ENTPD6: variants seen among roughly 807,000 people sequenced by gnomAD.
ENTPD6 encodes the protein ectonucleoside triphosphate diphosphohydrolase 6.
In ENTPD6, 46 loss-of-function variants were observed where a neutral mutation model predicts 61.5. That is an observed-to-expected ratio of 0.75 (90% CI 0.59 to 0.96). ENTPD6 has a LOEUF of 0.96. ENTPD6 is among the 40% of genes least tolerant of loss of function. The probability of loss-of-function intolerance (pLI) is 0.00; values close to 1 mark genes in which losing one functional copy is unlikely to be tolerated. For synonymous variants in ENTPD6, 252 were observed against 255.5 expected, an observed-to-expected ratio of 0.99 and a Z score of 0.13; for missense variants, 612 against 629.0, an observed-to-expected ratio of 0.97 and a Z score of 0.29.
chr20:25,209,677 G>A (rs2091816569), intron 3 of ENTPD6, among the ~76,000 whole-genome samples, 172 bp from the exon 4 acceptor site: 1 of 152,072 alleles, frequency 6.6e-6, no homozygotes, highest in Admixed American at 6.6e-5. Context: ...TACTCATCTT[G>A]TTCTGATGAA....
chr20:25,218,642 C>A (rs1260187925), intron 10 of ENTPD6, 28 bp downstream of exon 10: 2 of 1,572,006 alleles, frequency 1.3e-6, no homozygotes, highest in Admixed American at 3.6e-5. Context: ...CCCGGGCCCA[C>A]TTTCACAGCC....
At chr20:25,220,060 A>T (rs2123235201) in intron 10 of ENTPD6, among the ~76,000 whole-genome samples, 1 of 152,280 alleles carries the variant, frequency 6.6e-6, no homozygotes, top group Non-Finnish European at 1.5e-5. Flanking sequence ...CACCCAGCAG[A>T]GCAGCAAGAA....
Position 25,213,163 on chromosome 20 carries a change from T to C in ENTPD6, c.454-100T>C. On this transcript the variant is annotated intron_variant, in intron 4 of 14. Transcript: ENST00000376652. ...TAGCCTGGGCAACACAGTGAGACTC[T>C]GTCTCCAGAAACCAAAAAAACCCAA... 4 of 1,386,566 alleles carry C rather than the reference T, an allele frequency of 2.9e-6. No homozygotes were observed. The South Asian group carries it at 4.7e-5, about 16-fold the overall frequency. 85.9% of individuals were successfully genotyped at this position (1,386,566 alleles called of 1,614,324 possible). A position where few individuals can be genotyped will look rare whatever the true frequency, so the allele number is the denominator to read the frequency against.
At chr20:25,215,390 T>C (rs912972281) in intron 6 of ENTPD6, among the ~76,000 whole-genome samples, 6 of 152,298 alleles carry the variant, frequency 3.9e-5, no homozygotes, top group East Asian at 1.9e-4. Flanking sequence ...CTGGGTTCTT[T>C]TTCTGCTTCT....
intron 2 of ENTPD6, 65 bp from the exon 3 acceptor site, chr20:25,207,011 G>A (rs572524565): frequency 8.2e-6 from 12 of 1,457,690 alleles, no homozygotes; most frequent in Admixed American, 4.1e-5. Context: ...GCCTGGGGAC[G>A]TCTGACTCTC....
chr20:25,209,758 T>C (rs1439632846), intron 3 of ENTPD6, 91 bp from the exon 4 acceptor site: 2 of 1,112,684 alleles, frequency 1.8e-6, no homozygotes, highest in African/African-American at 3.1e-5. Context: ...TGTGTTAGTG[T>C]CTGTCTTTAA....
At chr20:25,217,082 C>G (rs2092358505) in intron 8 of ENTPD6, among the ~76,000 whole-genome samples, 1 of 152,144 alleles carries the variant, frequency 6.6e-6, no homozygotes. Context: ...AAGATTTTGT[C>G]CAGTTCATAG....
At chr20:25,218,313 CCA>C (rs1288566947) in intron 9 of ENTPD6, among the ~76,000 whole-genome samples, 1 of 152,346 alleles carries the variant, frequency 6.6e-6, no homozygotes, top group African/African-American at 2.4e-5. Flanking sequence ...GTCCCACTCA[CCA>C]CAGTGTCTGC....
intron 3 of ENTPD6, among the ~76,000 whole-genome samples, chr20:25,209,196 G>C (rs191343295): frequency 6.6e-6 from 1 of 150,990 alleles, no homozygotes; most frequent in African/African-American, 2.4e-5. Flanking sequence ...TGCAAGCTCC[G>C]CCCCCCGGGT....
intron 1 of ENTPD6, among the ~76,000 whole-genome samples, chr20:25,199,764 G>C (rs1483204742): frequency 6.6e-6 from 1 of 152,188 alleles, no homozygotes; most frequent in African/African-American, 2.4e-5. Context: ...ATTTCACTTA[G>C]TGAAATGCCT....
intron 1 of ENTPD6, among the ~76,000 whole-genome samples, chr20:25,199,186 AG>A (rs2090812231): frequency 6.6e-6 from 1 of 152,174 alleles, no homozygotes; most frequent in African/African-American, 2.4e-5. Context: ...CCAGAGCCAG[AG>A]GGGCCTAGAA....
Position 25,207,089 on chromosome 20 carries a change from G to A in ENTPD6, c.68G>A (p.Gly23Asp). ...CCTTCCCACCAGCAGCCGCAGCACGGTCCTTGGCAAACAAGGATGAGAAAA... is the reference window on the plus strand; with the variant it reads ...CCTTCCCACCAGCAGCCGCAGCACGATCCTTGGCAAACAAGGATGAGAAAA... ...TSYIFQQPQH[G>D]PWQTRMRKIS... The change falls in exon 3 of 15, where the codon GGT becomes GAT. Residue 23 changes from glycine to aspartate, a missense_variant. Physicochemically the swap from Gly to Asp is moderately conservative, Grantham distance 94 (BLOSUM62 -1). Coordinates refer to ENST00000376652, the MANE Select transcript of ENTPD6 (RefSeq NM_001247.5). 1 of 1,610,080 alleles carries A rather than the reference G, an allele frequency of 6.2e-7. No individual in the cohort carries two copies. The highest frequency in any genetic ancestry group is 8.5e-7 in the Non-Finnish European group (1 of 1,176,932).
intron 6 of ENTPD6, 112 bp downstream of exon 6, chr20:25,215,054 C>T (rs2092238963): frequency 2.9e-6 from 2 of 691,852 alleles, no homozygotes; most frequent in African/African-American, 1.8e-5. Context: ...TGGGAGCCTC[C>T]TCCCCCGTCC....
In ENTPD6 at chr20:25,207,275, A is replaced by G; in HGVS notation, c.254A>G (p.Gln85Arg). ...TRAAPGARWGQQAHSPLGTAA... is the reference protein window; with the variant it reads ...TRAAPGARWGRQAHSPLGTAA... The stretch of plus-strand genomic sequence containing the variant: ...GCAGCCCCGGGGGCCCGGTGGGGTC[A>G]GCAGGCCCACAGCCCCCTGGGGACA... The change falls in exon 3 of 15, where the codon CAG (glutamine) becomes CGG (arginine). Residue 85 changes from glutamine to arginine, a missense_variant. Coordinates refer to ENST00000376652, the MANE Select transcript of ENTPD6 (RefSeq NM_001247.5). 1 of 1,613,294 alleles carries G rather than the reference A, an allele frequency of 6.2e-7. No homozygotes were observed. Among genetic ancestry groups the G allele is most frequent in the Non-Finnish European group, 8.5e-7 (1 of 1,179,518 alleles).
chr20:25,217,351 C>T (rs925601845), intron 8 of ENTPD6, 151 bp from the exon 9 acceptor site: 6 of 693,370 alleles, frequency 8.7e-6, no homozygotes, highest in Non-Finnish European at 1.5e-5. Context: ...CTCCTTATTG[C>T]CTGCTCCTGT....
At chr20:25,223,410 G>A (rs763537394) in intron 12 of ENTPD6, among the ~76,000 whole-genome samples, 1 of 152,208 alleles carries the variant, frequency 6.6e-6, no homozygotes, top group Non-Finnish European at 1.5e-5. Context: ...AGATTAGGGC[G>A]GAAAAAGGTA....
At chr20:25,197,026 T>G in intron 1 of ENTPD6, 1 of 957,512 alleles carries the variant, frequency 1.0e-6, no homozygotes, top group South Asian at 4.8e-5. Context: ...CACCGGTTTT[T>G]GCCAAGGAGA....
At chr20:25,196,252 C>T (rs1243426130) in intron 1 of ENTPD6, 1 of 1,082,130 alleles carries the variant, frequency 9.2e-7, no homozygotes. Flanking sequence ...TTCTGGGAAA[C>T]AGGTAGGATC....
At chr20:25,213,827 G>A (rs1187588404) in intron 5 of ENTPD6, among the ~76,000 whole-genome samples, 2 of 152,232 alleles carry the variant, frequency 1.3e-5, no homozygotes, top group Admixed American at 6.5e-5. Context: ...GCGCATGCCT[G>A]TCATCCCAGT....
Sources: allele counts gnomAD v4.1 joint callset (sites outside exome capture counted in the v4.1 genomes callset), GRCh38; gene constraint gnomAD v4.1.1; transcripts MANE v1.5; gene names NCBI Gene and HGNC (gene_info 2026-07-23, HGNC 2026-07-21).